Variants in STX5 observed in about 807,000 individuals in gnomAD.
STX5 encodes syntaxin 5, also known as syntaxin-5.
STX5 carries 15 observed loss-of-function variants against 42.9 expected under a neutral mutation model. The observed-to-expected ratio is 0.35, with a 90% CI of 0.23 to 0.54. STX5 has a LOEUF of 0.54. Ranked by LOEUF, STX5 falls within the 20% of genes least tolerant of loss-of-function variation. STX5 has a pLI of 0.91. For missense variants in STX5, 430 were observed against 455.0 expected (o/e 0.95, Z 0.50); for synonymous variants, 184 against 173.2 (o/e 1.06, Z -0.49).
rs2084805304 is a variant in STX5 at position 62,827,168 on chromosome 11, T to C, written c.410A>G (p.Tyr137Cys). The change falls in exon 5 of 11, where the codon TAT (tyrosine) becomes TGT (cysteine). Residue 137 changes from tyrosine to cysteine, a missense_variant. By Grantham distance (194) the Tyr-to-Cys change is radical (BLOSUM62 -2). Coordinates refer to ENST00000294179, the MANE Select transcript of STX5 (RefSeq NM_003164.5). ...CTAGTAGCTCACCTGTTTGATGATA[T>C]ATGTTAGCTCTTCAATTTCCACTGC... ...DKAVEIEELT[Y>C]IIKQDINSLN... 6.2e-7 allele frequency: 1 copy of C among 1,613,962 alleles called. No individual in the cohort carries two copies. Among genetic ancestry groups the C allele is most frequent in the African/African-American group, 1.3e-5 (1 of 74,912 alleles).
intron 6 of STX5, 42 bp from the exon 7 acceptor site, chr11:62,825,381 A>T: frequency 3.7e-6 from 6 of 1,614,018 alleles, no homozygotes; most frequent in Non-Finnish European, 5.1e-6. Flanking sequence ...AAGGCTCCAC[A>T]TTCTTCCTCT....
intron 10 of STX5, among the ~76,000 whole-genome samples, chr11:62,814,077 C>T (rs919737716): frequency 6.6e-6 from 1 of 152,242 alleles, no homozygotes; most frequent in Middle Eastern, 3.4e-3. Flanking sequence ...TGAGCACTCA[C>T]AATAATCATT....
At chr11:62,823,912 T>C in intron 10 of STX5, 1 of 501,884 alleles carries the variant, frequency 2.0e-6, no homozygotes, top group South Asian at 2.1e-5. Flanking sequence ...CACTTACACA[T>C]GCTACAAAGC....
intron 1 of STX5, among the ~76,000 whole-genome samples, 197 bp downstream of exon 1, chr11:62,831,757 C>T (rs1355128880): frequency 7.0e-6 from 1 of 142,930 alleles, no homozygotes; most frequent in Admixed American, 6.9e-5. Context: ...ACTTCAACCA[C>T]TCATTAGCTA....
Position 62,830,524 on chromosome 11 carries a change from T to C in STX5, c.225+495A>G. On this transcript the variant is annotated intron_variant, in intron 2 of 10. Transcript: ENST00000294179. ...CATCACACCACTACACTCCAGCCTG[T>C]TGACAGAGTTGAAAAACAGATCTCA... 2 of 456,282 alleles carry C rather than the reference T, an allele frequency of 4.4e-6. 1 individual carries two copies. Among genetic ancestry groups the C allele is most frequent in the South Asian group, 3.1e-5 (2 of 64,552 alleles). 28.3% of individuals were successfully genotyped at this position (456,282 alleles called of 1,614,324 possible). A position where few individuals can be genotyped will look rare whatever the true frequency, so the allele number is the denominator to read the frequency against.
intron 2 of STX5, among the ~76,000 whole-genome samples, chr11:62,830,672 G>T (rs10431142): frequency 0.073 from 11,047 of 152,246 alleles, 443 homozygotes; most frequent in East Asian, 0.15. Context: ...TATGGTAGAA[G>T]TATATTGGAA....
At position 62,825,296 on chromosome 11, in the gene STX5, T is replaced by A. The variant is rs2084782381; in HGVS notation, c.584A>T (p.Glu195Val). The A allele has an allele frequency of 1.9e-6, 3 of 1,614,100 alleles. No individual in the cohort carries two copies. Among genetic ancestry groups the A allele is most frequent in the African/African-American group, 2.7e-5 (2 of 75,026 alleles). ...SMSNDFKSVL[E>V]VRTENLKQQR... is the part of the protein sequence containing the mutation. ...GATTGTTCTCACCTCTGTCCTCACTTCTAAAACCGATTTGAAGTCATTGGA... is the reference window on the plus strand; with the variant it reads ...GATTGTTCTCACCTCTGTCCTCACTACTAAAACCGATTTGAAGTCATTGGA... Residue 195 changes from glutamate to valine, a missense_variant, in exon 7 of 11, where the codon GAA becomes GTA. Coordinates refer to ENST00000294179, the MANE Select transcript of STX5 (RefSeq NM_003164.5).
chr11:62,819,794 A>C (rs542898349), intron 10 of STX5, among the ~76,000 whole-genome samples: 40 of 151,606 alleles, frequency 2.6e-4, no homozygotes, highest in Non-Finnish European at 4.4e-4. Flanking sequence ...CTAAGGTTAA[A>C]GTGATTCTCC....
chr11:62,818,260 A>G (rs958077937), intron 10 of STX5, among the ~76,000 whole-genome samples: 8 of 150,772 alleles, frequency 5.3e-5, no homozygotes, highest in Non-Finnish European at 1.2e-4. Flanking sequence ...AAAAAAAAAA[A>G]AAAAGACATG....
At chr11:62,812,921 G>T (rs1397218972) in intron 10 of STX5, among the ~76,000 whole-genome samples, 1 of 151,368 alleles carries the variant, frequency 6.6e-6, no homozygotes, top group East Asian at 2.0e-4. Context: ...AGACCAGCCT[G>T]GCCAATATGG....
chr11:62,831,423 C>G (rs1254344599), intron 1 of STX5, among the ~76,000 whole-genome samples, 161 bp from the exon 2 acceptor site: 2 of 152,114 alleles, frequency 1.3e-5, no homozygotes, highest in African/African-American at 4.8e-5. Flanking sequence ...CGGAAAGGGC[C>G]CCGCTTTTCC....
At chr11:62,812,519 C>T (rs544996624) in intron 10 of STX5, among the ~76,000 whole-genome samples, 15 of 149,620 alleles carry the variant, frequency 1.0e-4, no homozygotes, top group African/African-American at 2.2e-4. Context: ...CCTGGGTTCA[C>T]GCCATTCTCC....
chr11:62,824,065 T>G, intron 10 of STX5, 101 bp downstream of exon 10: 1 of 1,566,118 alleles, frequency 6.4e-7, no homozygotes, highest in African/African-American at 1.4e-5. Flanking sequence ...CAGAATTCAC[T>G]CTATCTTCCA....
At position 62,825,351 on chromosome 11, in the gene STX5, G is replaced by A; in HGVS notation, c.541-12C>T. ...GAAGCCAGTTTCGACTAGAAGAAAA[G>A]GAGAGAGGGTCAACCAAAGAAGGCT... On this transcript the variant is annotated splice_polypyrimidine_tract_variant and intron_variant, in intron 6 of 10. Transcript: ENST00000294179. 5 of 1,614,166 alleles carry A rather than the reference G, an allele frequency of 3.1e-6. No homozygotes were observed. The highest frequency in any genetic ancestry group is 1.7e-6 in the Non-Finnish European group (2 of 1,180,034).
chr11:62,814,542 A>G lies in STX5; in HGVS notation c.909-6914T>C, dbSNP rs2084652430. Among the ~76,000 whole-genome samples the G allele has an allele frequency of 2.6e-5, 4 of 151,088 alleles. No individual in the cohort carries two copies. The South Asian group carries it at 8.4e-4, about 32-fold the overall frequency. ...CAACGGCGTGATCTCGGCTCACCCA[A>G]CTTCCGCCTCCCAGGTTCAAGAGAT... On this transcript the variant is annotated intron_variant, in intron 10 of 10. Transcript: ENST00000294179.
intron 3 of STX5, 76 bp from the exon 4 acceptor site, chr11:62,827,474 C>T (rs1417302962): frequency 6.2e-7 from 1 of 1,612,736 alleles, no homozygotes; most frequent in Non-Finnish European, 8.5e-7. Context: ...ATAACCAATC[C>T]CAGACTTCAC....
intron 10 of STX5, among the ~76,000 whole-genome samples, chr11:62,811,495 AC>A (rs1322348099): frequency 6.6e-6 from 1 of 152,000 alleles, no homozygotes; most frequent in African/African-American, 2.4e-5. Flanking sequence ...TCCTGTATCT[AC>A]CAAGTTCTTT....
At chr11:62,831,725 C>A (rs1278781024) in intron 1 of STX5, among the ~76,000 whole-genome samples, 1 of 137,040 alleles carries the variant, frequency 7.3e-6, no homozygotes, top group Non-Finnish European at 1.6e-5. Flanking sequence ...CCACCCCCCG[C>A]CCAAGGTCCG....
At chr11:62,822,699 C>A (rs1369623377) in intron 10 of STX5, among the ~76,000 whole-genome samples, 1 of 116,846 alleles carries the variant, frequency 8.6e-6, no homozygotes. Flanking sequence ...TTGGCATTTA[C>A]GACCTTTTTT....
Sources: allele counts gnomAD v4.1 joint callset (sites outside exome capture counted in the v4.1 genomes callset), GRCh38; gene constraint gnomAD v4.1.1; transcripts MANE v1.5; gene names NCBI Gene and HGNC (gene_info 2026-07-23, HGNC 2026-07-21).